The following TTC24 variants were observed in gnomAD, a reference collection of about 807,000 sequenced individuals.
TTC24 encodes the protein tetratricopeptide repeat protein 24.
TTC24 carries 54 observed loss-of-function variants against 63.3 expected under a neutral mutation model. The observed-to-expected ratio is 0.85, with a 90% CI of 0.69 to 1.07. The LOEUF is 1.07. Ranked by LOEUF, TTC24 falls within the 50% of genes least tolerant of loss-of-function variation. The pLI is 0.00. For synonymous variants in TTC24, 276 were observed against 304.3 expected (o/e 0.91, Z 0.97); for missense variants, 680 against 730.5 (o/e 0.93, Z 0.80).
intron 3 of TTC24, 69 bp from the exon 4 acceptor site, chr1:156,582,973 T>C: frequency 6.5e-7 from 1 of 1,550,310 alleles, no homozygotes; most frequent in East Asian, 2.3e-5. Flanking sequence ...TCTTGGTTGC[T>C]GGAGGGTGGG....
intron 6 of TTC24, 113 bp from the exon 7 acceptor site, chr1:156,584,764 C>T: frequency 1.6e-6 from 1 of 634,104 alleles, no homozygotes; most frequent in Non-Finnish European, 2.6e-6. Context: ...TTCTCCGAGA[C>T]AAGCGGCAGA....
At position 156,586,529 on chromosome 1, in the gene TTC24, G is replaced by A. The variant is rs10796961; in HGVS notation, c.1728G>A (p.Ser576=). The part of the protein sequence containing the change: ...SRSRQRRPME[S]GICTIV ...GCCGCCAGAGGAGACCCATGGAGTC[G>A]GGCATCTGCACTATTGTGTGACCTC... The change falls in exon 11 of 11, where the codon TCG becomes TCA. Residue 576 remains serine, a synonymous_variant. Coordinates refer to ENST00000368236, the MANE Select transcript of TTC24 (RefSeq NM_001105669.4). The A allele has an allele frequency of 0.94, 1,510,824 of 1,613,366 alleles. 720,409 individuals are homozygous for A. Among genetic ancestry groups the A allele is most frequent in the East Asian group, 0.98 (43,857 of 44,856 alleles).
Position 156,581,978 on chromosome 1 carries a change from T to G in TTC24, c.614T>G (p.Leu205Arg). 6.6e-7 allele frequency: 1 copy of G among 1,521,346 alleles called. No individual in the cohort carries two copies. Among genetic ancestry groups the G allele is most frequent in the Non-Finnish European group, 8.8e-7 (1 of 1,136,620 alleles). The allele number at this position is 1,521,346 out of a possible 1,614,324, so 94.2% of individuals were successfully genotyped here. Residue 205 changes from leucine to arginine, a missense_variant, in exon 2 of 11, where the codon CTG becomes CGG. Transcript: ENST00000368236. The part of the protein sequence containing the change: ...LALGAAAGCM[L>R]KSGRHRVGEV... ...CTGGGGGCTGCGGCAGGATGTATGC[T>G]GAAGAGTGGGCGGCATCGGGTGGGG...
In TTC24 at chr1:156,585,808, G is replaced by A. The variant is rs770942546; in HGVS notation, c.1552G>A (p.Gly518Ser). The A allele has an allele frequency of 1.1e-5, 18 of 1,613,104 alleles. No individual in the cohort carries two copies. The highest frequency in any genetic ancestry group is 8.9e-5 in the East Asian group (4 of 44,868). The change falls in exon 9 of 11, where the codon GGC becomes AGC. Residue 518 changes from glycine to serine, a missense_variant. By Grantham distance (56) the Gly-to-Ser change is moderately conservative. Transcript: ENST00000368236. ...CACGCCCTGCAGAGGGACAGTCCTC[G>A]GCAAAGCCTCCATCTATAGTGAGCA... ...KHTPCRGTVL[G>S]KASIYSPGPR...
rs1571383890 is a variant in TTC24 at position 156,583,206 on chromosome 1, T to A, written c.1039+36T>A. Reference sequence around the variant, plus strand: ...GAGGGTTGGGATGTGACTGGGACAGTGGGGAGGCTGAGGGTCCTAGGGGCT... The same window carrying A: ...GAGGGTTGGGATGTGACTGGGACAGAGGGGAGGCTGAGGGTCCTAGGGGCT... On this transcript the variant is annotated intron_variant, in intron 4 of 10. Coordinates refer to ENST00000368236, the MANE Select transcript of TTC24 (RefSeq NM_001105669.4). This position sits in a 1 kb window ranked among gnomAD's most constrained non-coding sequence, Gnocchi z 4.0. The A allele has an allele frequency of 6.4e-7, 1 of 1,563,564 alleles. No individual in the cohort carries two copies. Among genetic ancestry groups the A allele is most frequent in the African/African-American group, 1.6e-5 (1 of 62,200 alleles).
intron 1 of TTC24, among the ~76,000 whole-genome samples, chr1:156,580,591 C>T (rs1227818539): frequency 1.3e-5 from 2 of 152,136 alleles, no homozygotes; most frequent in Non-Finnish European, 2.9e-5. Context: ...AATTCTCCTG[C>T]CTCAGCCTCC....
At chr1:156,580,414 CT>C (rs146693675) in intron 1 of TTC24, among the ~76,000 whole-genome samples, 3,941 of 152,218 alleles carry the variant, frequency 0.026, 81 homozygotes, top group South Asian at 0.077. Flanking sequence ...AGGGGGGTGT[CT>C]GTGGAGGCAC....
At chr1:156,585,320 G>A in intron 8 of TTC24, 89 bp downstream of exon 8, 1 of 972,368 alleles carries the variant, frequency 1.0e-6, no homozygotes, top group South Asian at 1.8e-5. Flanking sequence ...CGCTTCTTAT[G>A]CCCATCCCAC....
Position 156,582,968 on chromosome 1 carries a change from G to A in TTC24, c.911-74G>A, listed in dbSNP as rs961618157. The A allele has an allele frequency of 9.1e-6, 14 of 1,546,558 alleles. No homozygotes were observed. The East Asian group carries it at 2.7e-4, about 30-fold the overall frequency. On this transcript the variant is annotated intron_variant, in intron 3 of 10. Coordinates refer to ENST00000368236, the MANE Select transcript of TTC24 (RefSeq NM_001105669.4). ...CAGGCCTCCTGGGAGGTCTGTCTTG[G>A]TTGCTGGAGGGTGGGGTCCTGATGT...
chr1:156,587,498 TTGTA>T lies in TTC24; in HGVS notation c.*952_*955del, dbSNP rs1273221138. On this transcript the variant is annotated 3_prime_UTR_variant, in exon 11 of 11. Coordinates refer to ENST00000368236, the MANE Select transcript of TTC24 (RefSeq NM_001105669.4). ...TTAATATCAAGTGTGTCTATGCCCG[TTGTA>T]TGTGTTATTGTAATTCATAATGTAA... 2.0e-5 allele frequency among the ~76,000 whole-genome samples: 3 copies of T among 152,194 alleles called. No homozygotes were observed. Among genetic ancestry groups the T allele is most frequent in the East Asian group, 1.9e-4 (1 of 5,182 alleles).
chr1:156,586,084 C>CA (rs781517528), intron 10 of TTC24, 39 bp downstream of exon 10: 15 of 1,355,992 alleles, frequency 1.1e-5, no homozygotes, highest in South Asian at 2.6e-5. Flanking sequence ...TGGAGAATAG[C>CA]AAAAAAAGTA....
intron 3 of TTC24, 49 bp from the exon 4 acceptor site, chr1:156,582,993 T>C: frequency 6.4e-7 from 1 of 1,568,388 alleles, no homozygotes; most frequent in Non-Finnish European, 8.7e-7. Context: ...GGTCCTGATG[T>C]CCCAGCAGCC....
chr1:156,587,005 C>T lies in TTC24; in HGVS notation c.*455C>T, dbSNP rs1308298271. Among the ~76,000 whole-genome samples, 1 of 152,210 alleles carries T rather than the reference C, an allele frequency of 6.6e-6. No homozygotes were observed. The highest frequency in any genetic ancestry group is 2.4e-5 in the African/African-American group (1 of 41,450). Reference sequence around the variant, plus strand: ...TCTGTGAAACACAGGGGATGCTGGGCGCAGGCCTAGGCTGTGGCCTGTAGC... The same window carrying T: ...TCTGTGAAACACAGGGGATGCTGGGTGCAGGCCTAGGCTGTGGCCTGTAGC... On this transcript the variant is annotated 3_prime_UTR_variant, in exon 11 of 11. Coordinates refer to ENST00000368236, the MANE Select transcript of TTC24 (RefSeq NM_001105669.4).
chr1:156,585,756 T>A lies in TTC24; in HGVS notation c.1500T>A (p.Ala500=). ...PGTVNHSHHL[A]SSCPTFTKHT... ...CAGTGAATCATTCGCACCATCTAGC[T>A]TCTAGTTGCCCCACGTTTACCAAGC... The change falls in exon 9 of 11, where the codon GCT becomes GCA. Residue 500 remains alanine, a synonymous_variant. Coordinates refer to ENST00000368236, the MANE Select transcript of TTC24 (RefSeq NM_001105669.4). 6.2e-7 allele frequency: 1 copy of A among 1,614,016 alleles called. No individual in the cohort carries two copies. The highest frequency in any genetic ancestry group is 8.5e-7 in the Non-Finnish European group (1 of 1,179,884).
At chr1:156,584,817 C>G in intron 6 of TTC24, 60 bp from the exon 7 acceptor site, 1 of 1,190,378 alleles carries the variant, frequency 8.4e-7, no homozygotes, top group African/African-American at 1.5e-5. Flanking sequence ...AGGGAGCACA[C>G]ACGTAGCTGG....
Position 156,583,116 on chromosome 1 carries a change from C to T in TTC24, c.985C>T (p.His329Tyr), listed in dbSNP as rs759594338. The T allele has an allele frequency of 4.3e-6, 7 of 1,613,588 alleles. No homozygotes were observed. The highest frequency in any genetic ancestry group is 5.1e-6 in the Non-Finnish European group (6 of 1,179,794). Residue 329 changes from histidine to tyrosine, a missense_variant, in exon 4 of 11, where the codon CAC becomes TAC. Transcript: ENST00000368236. The surrounding 1 kb of genome is among the most constrained non-coding windows in gnomAD (Gnocchi z 4.0). ...LAFALSQLGDHKAARDNYLHA... is the reference protein window; with the variant it reads ...LAFALSQLGDYKAARDNYLHA... ...CTTTGCATTGAGCCAGCTGGGGGAC[C>T]ACAAGGCTGCCAGAGACAACTACCT...
At chr1:156,585,648 C>T in intron 8 of TTC24, 65 bp from the exon 9 acceptor site, 1 of 1,180,016 alleles carries the variant, frequency 8.5e-7, no homozygotes, top group Middle Eastern at 1.9e-4. Context: ...AGACTTGCAA[C>T]TCAGGGAGCA....
Position 156,586,813 on chromosome 1 carries a change from G to T in TTC24, c.*263G>T. ...TGGATGGCAAATTCCCTGTCTTTCT[G>T]AATCCAAATCTTACGATTGCTAGGG... On this transcript the variant is annotated 3_prime_UTR_variant, in exon 11 of 11. Coordinates refer to ENST00000368236, the MANE Select transcript of TTC24 (RefSeq NM_001105669.4). 2.8e-6 allele frequency: 1 copy of T among 358,250 alleles called. No homozygotes were observed. Among genetic ancestry groups the T allele is most frequent in the East Asian group, 4.5e-5 (1 of 22,414 alleles). The allele number at this position is 358,250 out of a possible 1,614,324, so 22.2% of individuals were successfully genotyped here.
intron 3 of TTC24, 40 bp downstream of exon 3, chr1:156,582,474 C>A: frequency 2.5e-6 from 4 of 1,586,190 alleles, no homozygotes; most frequent in Non-Finnish European, 3.5e-6. Context: ...GGGACTAAGA[C>A]ACTAAGAAGG....
Sources: gnomAD v4.1 joint callset for allele counts (sites outside exome capture counted in the v4.1 genomes callset) on GRCh38, gnomAD v4.1.1 for gene constraint, Gnocchi (gnomAD v3.1) non-coding constraint, MANE v1.5 for transcripts, NCBI Gene and HGNC (gene_info 2026-07-23, HGNC 2026-07-21) for gene names.